RNF152: variants seen among roughly 807,000 people sequenced by gnomAD.
RNF152 encodes ring finger protein 152.
Under a neutral mutation model 12.7 loss-of-function variants are expected in RNF152, and 11 were observed. That is an observed-to-expected ratio of 0.86 (90% CI 0.54 to 1.43). The LOEUF is 1.43. RNF152 is among the 40% of genes most tolerant of loss of function. The probability of loss-of-function intolerance (pLI) is 0.00; values close to 1 mark genes in which losing one functional copy is unlikely to be tolerated. For synonymous variants in RNF152, 113 were observed against 120.3 expected (o/e 0.94, Z 0.40); for missense variants, 255 against 274.8 (o/e 0.93, Z 0.51).
chr18:61,815,385 G>GA lies in RNF152; in HGVS notation c.*466dup, dbSNP rs111603571. On this transcript the variant is annotated 3_prime_UTR_variant, in exon 2 of 2. Coordinates refer to ENST00000312828, the MANE Select transcript of RNF152 (RefSeq NM_173557.3). ...AATGAAGACTGGGTTTCAATAAAAA[G>GA]AAAAAAAAAATAAAGAAGCCAGCAG... 6.3e-3 allele frequency: 925 copies of GA among 146,984 alleles called. 9 individuals are homozygous for GA. Among genetic ancestry groups the GA allele is most frequent in the African/African-American group, 0.021 (822 of 39,944 alleles). The allele number at this position is 146,984 out of a possible 1,614,324, so 9.1% of individuals were successfully genotyped here. A position where few individuals can be genotyped will look rare whatever the true frequency, so the allele number is the denominator to read the frequency against.
chr18:61,865,597 A>G (rs1911689204), intron 1 of RNF152, among the ~76,000 whole-genome samples: 1 of 152,182 alleles, frequency 6.6e-6, no homozygotes, highest in South Asian at 2.1e-4. Context: ...AAATCCAAGT[A>G]CTAGATAATC....
At chr18:61,880,650 C>T (rs546398527) in intron 1 of RNF152, among the ~76,000 whole-genome samples, 62 of 152,264 alleles carry the variant, frequency 4.1e-4, no homozygotes, top group South Asian at 1.0e-3. Context: ...AAATACATTG[C>T]GGAATCCAAG....
chr18:61,860,392 A>G (rs1476596921), intron 1 of RNF152, among the ~76,000 whole-genome samples: 6 of 152,378 alleles, frequency 3.9e-5, no homozygotes, highest in Non-Finnish European at 2.9e-5. Flanking sequence ...GTTTCGGTCA[A>G]TAACAGATCA....
At chr18:61,835,729 G>A (rs765674375) in intron 1 of RNF152, among the ~76,000 whole-genome samples, 5 of 152,130 alleles carry the variant, frequency 3.3e-5, no homozygotes, top group African/African-American at 7.2e-5. Flanking sequence ...CACTCCATAC[G>A]CCTTTAGTGG....
chr18:61,846,073 A>G (rs1215945972), intron 1 of RNF152, among the ~76,000 whole-genome samples: 1 of 152,104 alleles, frequency 6.6e-6, no homozygotes, highest in Non-Finnish European at 1.5e-5. Context: ...CAAGACACCA[A>G]ATCTGCCTTG....
At chr18:61,862,797 C>T (rs1294669681) in intron 1 of RNF152, among the ~76,000 whole-genome samples, 1 of 152,186 alleles carries the variant, frequency 6.6e-6, no homozygotes, top group Non-Finnish European at 1.5e-5. Flanking sequence ...GTTCTGGGGA[C>T]CCCAACTTGA....
rs1912952060 is a variant in RNF152 at position 61,810,952 on chromosome 18, T to C, written c.*4900A>G. On this transcript the variant is annotated 3_prime_UTR_variant, in exon 2 of 2. Transcript: ENST00000312828. ...GCAGCATCACTTTTCTGAGAAAAGA[T>C]AGAAATTGAAGTCTTTTGTGTATCA... 1 of 151,952 alleles carries C rather than the reference T, an allele frequency of 6.6e-6. No homozygotes were observed. The highest frequency in any genetic ancestry group is 1.5e-5 in the Non-Finnish European group (1 of 67,994). The allele number at this position is 151,952 out of a possible 1,614,324, so 9.4% of individuals were successfully genotyped here.
chr18:61,827,077 G>C (rs1439323664), intron 1 of RNF152, among the ~76,000 whole-genome samples: 1 of 152,172 alleles, frequency 6.6e-6, no homozygotes, highest in Non-Finnish European at 1.5e-5. Flanking sequence ...CATAATGATA[G>C]CTCCGGATTA....
At chr18:61,857,779 C>CTT (rs1568282306) in intron 1 of RNF152, among the ~76,000 whole-genome samples, 2 of 152,222 alleles carry the variant, frequency 1.3e-5, no homozygotes, top group African/African-American at 2.4e-5. Context: ...CACAAAACAT[C>CTT]TTTCAGCCTC....
At chr18:61,862,656 C>T (rs1485279805) in intron 1 of RNF152, among the ~76,000 whole-genome samples, 1 of 152,214 alleles carries the variant, frequency 6.6e-6, no homozygotes, top group African/African-American at 2.4e-5. Context: ...CCCTGTCCCC[C>T]ACCCCTCACC....
chr18:61,827,121 G>C (rs935109221), intron 1 of RNF152, among the ~76,000 whole-genome samples: 19 of 152,172 alleles, frequency 1.2e-4, no homozygotes, highest in African/African-American at 4.6e-4. Context: ...ACTTCACAAA[G>C]ACATGATGAT....
chr18:61,821,735 C>T (rs1489032584), intron 1 of RNF152, among the ~76,000 whole-genome samples: 2 of 152,172 alleles, frequency 1.3e-5, no homozygotes, highest in African/African-American at 4.8e-5. Flanking sequence ...AGACAATTAC[C>T]GCCTGAGCTC....
intron 1 of RNF152, among the ~76,000 whole-genome samples, chr18:61,837,439 A>G (rs1315305978): frequency 1.3e-5 from 2 of 152,220 alleles, no homozygotes; most frequent in African/African-American, 2.4e-5. Flanking sequence ...CCTTATTATC[A>G]GGAGATATTT....
chr18:61,888,836 T>C (rs1226518124), intron 1 of RNF152: 2 of 152,212 alleles, frequency 1.3e-5, no homozygotes, highest in African/African-American at 4.8e-5. Flanking sequence ...CTTTCCGGTT[T>C]CCATGACGTC....
At chr18:61,820,504 A>G (rs1363736784) in intron 1 of RNF152, among the ~76,000 whole-genome samples, 3 of 151,956 alleles carry the variant, frequency 2.0e-5, no homozygotes, top group Non-Finnish European at 4.4e-5. Context: ...AGGTGAGACT[A>G]TGATTGACTC....
chr18:61,837,054 CT>C (rs1489667698), intron 1 of RNF152, among the ~76,000 whole-genome samples: 5 of 152,134 alleles, frequency 3.3e-5, no homozygotes, highest in African/African-American at 1.2e-4. Flanking sequence ...AATGGAAGAG[CT>C]GACATCATGC....
intron 1 of RNF152, among the ~76,000 whole-genome samples, chr18:61,860,405 T>G (rs148802224): frequency 9.9e-5 from 15 of 152,194 alleles, no homozygotes; most frequent in Admixed American, 9.8e-4. Context: ...ACAGATCACA[T>G]AGAAGATGCT....
At chr18:61,826,245 G>A (rs1909663439) in intron 1 of RNF152, among the ~76,000 whole-genome samples, 1 of 152,186 alleles carries the variant, frequency 6.6e-6, no homozygotes, top group Admixed American at 6.5e-5. Context: ...TCTCAGAAAT[G>A]AGAACTGCCA....
intron 1 of RNF152, among the ~76,000 whole-genome samples, chr18:61,891,012 A>G (rs1202883678): frequency 1.3e-5 from 2 of 152,224 alleles, no homozygotes; most frequent in East Asian, 3.9e-4. Context: ...GAAGTTAATT[A>G]GAATCAGGTC....
Sources: allele counts gnomAD v4.1 joint callset (sites outside exome capture counted in the v4.1 genomes callset), GRCh38; gene constraint gnomAD v4.1.1; transcripts MANE v1.5; gene names NCBI Gene and HGNC (gene_info 2026-07-23, HGNC 2026-07-21).